SELENON: variants seen among roughly 807,000 people sequenced by gnomAD.
The protein encoded by SELENON is selenoprotein N.
A neutral mutation model predicts 59.5 loss-of-function variants in SELENON; 44 were observed. The ratio of observed to expected loss-of-function variants is 0.74; its 90% CI spans 0.58 to 0.95. The LOEUF is 0.95. Ranked by LOEUF, SELENON falls within the 40% of genes least tolerant of loss-of-function variation. SELENON has a pLI of 0.00. For missense variants in SELENON, 674 were observed against 721.4 expected (o/e 0.93, Z 0.75); for synonymous variants, 320 against 305.6 (o/e 1.05, Z -0.49).
rs186774355 is a variant in SELENON, at chr1:25,806,860, C to T, written c.537+1585C>T. On this transcript the variant is annotated intron_variant, in intron 4 of 12. Transcript: ENST00000361547. ...TTTTTGGGACGGAGTCTCGCTCTGT[C>T]GCCCAGGCTGGAGTGCAGTGGCGCG... Among the ~76,000 whole-genome samples, 348 of 144,046 alleles carry T rather than the reference C, an allele frequency of 2.4e-3. 3 individuals carry two copies. Among genetic ancestry groups the T allele is most frequent in the East Asian group, 0.011 (56 of 4,900 alleles). 94.5% of individuals were successfully genotyped at this position (144,046 alleles called of 152,430 possible). A position where few individuals can be genotyped will look rare whatever the true frequency, so the allele number is the denominator to read the frequency against.
At chr1:25,803,148 G>T (rs532516453) in intron 3 of SELENON, among the ~76,000 whole-genome samples, 180 of 152,336 alleles carry the variant, frequency 1.2e-3, no homozygotes, top group African/African-American at 4.1e-3. Flanking sequence ...TCCCCTTGTG[G>T]CCTTGCCTGT....
chr1:25,800,417 C>T lies in SELENON; in HGVS notation c.183+4C>T. 2 of 1,096,128 alleles carry T rather than the reference C, an allele frequency of 1.8e-6. No homozygotes were observed. Among genetic ancestry groups the T allele is most frequent in the Non-Finnish European group, 1.1e-6 (1 of 901,220 alleles). 67.9% of individuals were successfully genotyped at this position (1,096,128 alleles called of 1,614,324 possible). A position where few individuals can be genotyped will look rare whatever the true frequency, so the allele number is the denominator to read the frequency against. On this transcript the variant is annotated splice_donor_region_variant and intron_variant, in intron 1 of 12. Transcript: ENST00000361547. ...GGCCCAGGCGGCCGCGCGGCAGGTC[C>T]GGGCCCGAGCTGGCTGGGGCGGGAG...
At position 25,811,734 on chromosome 1, in the gene SELENON, T is replaced by G; in HGVS notation, c.1136T>G (p.Leu379Arg). ...GGCCCCTCTGTGCCCTCCGTGATCC[T>G]GGATGAGGATGGCAGCATGATCGAC... The change falls in exon 9 of 13, where the codon CTG (leucine) becomes CGG (arginine). Residue 379 changes from leucine (L) to arginine (R), a missense_variant. Coordinates refer to ENST00000361547, the MANE Select transcript of SELENON (RefSeq NM_020451.3). The G allele has an allele frequency of 6.2e-7, 1 of 1,603,938 alleles. No homozygotes were observed. The highest frequency in any genetic ancestry group is 8.5e-7 in the Non-Finnish European group (1 of 1,175,632).
chr1:25,810,363 C>T (rs1414908961), intron 7 of SELENON, among the ~76,000 whole-genome samples: 1 of 152,264 alleles, frequency 6.6e-6, no homozygotes, highest in Non-Finnish European at 1.5e-5. Flanking sequence ...ACCTGCTTGC[C>T]TCACCTCCTC....
rs1448953906 is a variant in SELENON, at chr1:25,802,038, T to C, written c.324T>C (p.Thr108=). The stretch of plus-strand genomic sequence containing the variant: ...CAGGGTCTTGTTCTGTCACCCAGAC[T>C]GGAGTGCAGTGGTGCAGTCACAGCT... Residue 108 remains threonine (T), a synonymous_variant, in exon 3 of 13, where the codon ACT becomes ACC. Coordinates refer to ENST00000361547, the MANE Select transcript of SELENON (RefSeq NM_020451.3). The C allele has an allele frequency of 1.5e-5, 4 of 264,108 alleles. No individual in the cohort carries two copies. The highest frequency in any genetic ancestry group is 9.2e-5 in the African/African-American group (4 of 43,456). 16.4% of individuals were successfully genotyped at this position (264,108 alleles called of 1,614,324 possible).
chr1:25,808,329 CCTGGGTGGGCTGTGCCTGGGTGGGCTGT>C, intron 4 of SELENON, among the ~76,000 whole-genome samples: 1 of 6,036 alleles, frequency 1.7e-4, no homozygotes, highest in African/African-American at 9.7e-4. Flanking sequence ...GTGGGCTGTG[CCTGGGTGGGCTGTGCCTGGGTGGGCTGT>C]GCCTGGGTGG....
chr1:25,808,924 C>T (rs2047934027), intron 5 of SELENON, 102 bp from the exon 5 acceptor site: 8 of 1,595,296 alleles, frequency 5.0e-6, no homozygotes, highest in African/African-American at 4.0e-5. Context: ...TGCCCCCTCC[C>T]CATGGGGCCC....
intron 4 of SELENON, 29 bp from the exon 4 acceptor site, chr1:25,808,551 T>A: frequency 6.2e-7 from 1 of 1,611,578 alleles, no homozygotes; most frequent in Non-Finnish European, 8.5e-7. Context: ...GTTCTCAGAT[T>A]CCTGGAGCTT....
chr1:25,810,128 GCTGTAACCGCAGC>G (rs1401505445), intron 7 of SELENON, among the ~76,000 whole-genome samples: 1 of 152,202 alleles, frequency 6.6e-6, no homozygotes, highest in Non-Finnish European at 1.5e-5. Context: ...CCCAGGCAGA[GCTGTAACCGCAGC>G]CTGTGCACGC....
chr1:25,808,088 G>A (rs58554232), intron 4 of SELENON, among the ~76,000 whole-genome samples: 1,872 of 152,344 alleles, frequency 0.012, 41 homozygotes, highest in African/African-American at 0.042. Context: ...GCTGGCCAGT[G>A]GGACATTAGT....
At chr1:25,808,869 C>T in intron 5 of SELENON, 80 bp downstream of exon 4, 1 of 1,574,846 alleles carries the variant, frequency 6.3e-7, no homozygotes. Context: ...GCCTGGACCC[C>T]AGTGCCAGGC....
Position 25,816,051 on chromosome 1 carries a change from T to G in SELENON, c.*333T>G. 4.2e-6 allele frequency: 1 copy of G among 236,208 alleles called. No individual in the cohort carries two copies. The highest frequency in any genetic ancestry group is 8.3e-6 in the Non-Finnish European group (1 of 120,284). The allele number at this position is 236,208 out of a possible 1,614,324, so 14.6% of individuals were successfully genotyped here. Reference sequence around the variant, plus strand: ...TAGCCAGCCGCACAGTCTAGGCCCTTGTGGGGTGAAGAATGGAGGGAGGAG... The same window carrying G: ...TAGCCAGCCGCACAGTCTAGGCCCTGGTGGGGTGAAGAATGGAGGGAGGAG... On this transcript the variant is annotated 3_prime_UTR_variant, in exon 13 of 13. Transcript: ENST00000361547.
At chr1:25,812,604 C>CACACACACACA in intron 9 of SELENON, 83 bp from the exon 9 acceptor site, 1 of 883,356 alleles carries the variant, frequency 1.1e-6, no homozygotes, top group Non-Finnish European at 1.8e-6. Flanking sequence ...CACACACACA[C>CACACACACACA]ACTTGCACAC....
At position 25,811,753 on chromosome 1, in the gene SELENON, G is replaced by C. The variant is rs767007820; in HGVS notation, c.1155G>C (p.Met385Ile). The change falls in exon 9 of 13, where the codon ATG (methionine) becomes ATC (isoleucine). Residue 385 changes from methionine (M) to isoleucine (I), a missense_variant. Coordinates refer to ENST00000361547, the MANE Select transcript of SELENON (RefSeq NM_020451.3). The stretch of plus-strand genomic sequence containing the variant: ...TGATCCTGGATGAGGATGGCAGCAT[G>C]ATCGACAGCCACCTGCCTTCAGGGG... The C allele has an allele frequency of 6.3e-7, 1 of 1,599,590 alleles. No individual in the cohort carries two copies. The highest frequency in any genetic ancestry group is 1.3e-5 in the African/African-American group (1 of 74,814).
At position 25,800,986 on chromosome 1, in the gene SELENON, G is replaced by A. The variant is rs938846090; in HGVS notation, c.184-57G>A. On this transcript the variant is annotated intron_variant, in intron 1 of 12. Coordinates refer to ENST00000361547, the MANE Select transcript of SELENON (RefSeq NM_020451.3). Reference sequence around the variant, plus strand: ...TCCATGCGGAAGCAACTGCCTGTTGGGGACCAGGAGACCAGGCCGCCAAAT... The same window carrying A: ...TCCATGCGGAAGCAACTGCCTGTTGAGGACCAGGAGACCAGGCCGCCAAAT... 6 of 1,400,216 alleles carry A rather than the reference G, an allele frequency of 4.3e-6. No homozygotes were observed. In the African/African-American group the frequency reaches 5.7e-5, roughly 13 times the overall value. The allele number at this position is 1,400,216 out of a possible 1,614,324, so 86.7% of individuals were successfully genotyped here. A position where few individuals can be genotyped will look rare whatever the true frequency, so the allele number is the denominator to read the frequency against.
At chr1:25,809,236 C>G in intron 6 of SELENON, 86 bp downstream of exon 5, 1 of 1,587,228 alleles carries the variant, frequency 6.3e-7, no homozygotes, top group Non-Finnish European at 8.6e-7. Flanking sequence ...TTGAGCCCCC[C>G]AGCTCCACCT....
Position 25,809,807 on chromosome 1 carries a change from G to C in SELENON, c.997G>C (p.Val333Leu). 3 of 1,613,550 alleles carry C rather than the reference G, an allele frequency of 1.9e-6. No individual in the cohort carries two copies. The highest frequency in any genetic ancestry group is 2.5e-6 in the Non-Finnish European group (3 of 1,179,910). The change falls in exon 7 of 13, where the codon GTG becomes CTG. Residue 333 changes from valine to leucine, a missense_variant. Transcript: ENST00000361547. ...CCACGTCCGCGACTTCCGGCTCTTCGTGCCCAACCACAGGTGGGAGCTTGA... is the reference window on the plus strand; with the variant it reads ...CCACGTCCGCGACTTCCGGCTCTTCCTGCCCAACCACAGGTGGGAGCTTGA...
rs533935694 is a variant in SELENON at position 25,815,215 on chromosome 1, G to A, written c.1603-333G>A. Among the ~76,000 whole-genome samples the A allele has an allele frequency of 2.4e-4, 36 of 152,128 alleles. No homozygotes were observed. The South Asian group carries it at 4.8e-3, about 20-fold the overall frequency. On this transcript the variant is annotated intron_variant, in intron 12 of 12. Coordinates refer to ENST00000361547, the MANE Select transcript of SELENON (RefSeq NM_020451.3). ...AGGCTGCAGTGAGAGAAGGGAGCACGGAGTTCAGGATGGGAGTCCGGGGTC... is the reference window on the plus strand; with the variant it reads ...AGGCTGCAGTGAGAGAAGGGAGCACAGAGTTCAGGATGGGAGTCCGGGGTC...
intron 4 of SELENON, 133 bp downstream of exon 3, chr1:25,805,408 T>C: frequency 8.2e-7 from 1 of 1,217,304 alleles, no homozygotes; most frequent in Non-Finnish European, 1.2e-6. Context: ...TGTGCGGTGA[T>C]GTTGTCCCTG....
Sources: gnomAD v4.1 joint callset for allele counts (sites outside exome capture counted in the v4.1 genomes callset) on GRCh38, gnomAD v4.1.1 for gene constraint, MANE v1.5 for transcripts, NCBI Gene and HGNC (gene_info 2026-07-23, HGNC 2026-07-21) for gene names.